SPEN: variants seen among roughly 807,000 people sequenced by gnomAD.
SPEN encodes the protein spen family transcriptional repressor.
In SPEN, 18 loss-of-function variants were observed where a neutral mutation model predicts 269.9. That is an observed-to-expected ratio of 0.07 (90% CI 0.05 to 0.10). SPEN has a LOEUF of 0.10. Ranked by LOEUF, SPEN falls within the 10% of genes least tolerant of loss-of-function variation. The pLI is 1.00. For synonymous variants in SPEN, 1,726 were observed against 1,765.7 expected, an observed-to-expected ratio of 0.98 and a Z score of 0.56; for missense variants, 3,822 against 4,631.2, an observed-to-expected ratio of 0.83 and a Z score of 5.07.
At chr1:15,864,107 A>G (rs114280218) in intron 1 of SPEN, among the ~76,000 whole-genome samples, 23 of 152,260 alleles carry the variant, frequency 1.5e-4, no homozygotes, top group African/African-American at 5.5e-4. Flanking sequence ...TGATATACAT[A>G]TATGAGGTAC....
In SPEN at chr1:15,931,035, G is replaced by A. The variant is rs747290184; in HGVS notation, c.4795G>A (p.Glu1599Lys). Reference sequence around the variant, plus strand: ...CACACGGATGCAACAGAAAGAAAAAGAAAAAGACCAGAAACCCAAAGAGGT... The same window carrying A: ...CACACGGATGCAACAGAAAGAAAAAAAAAAAGACCAGAAACCCAAAGAGGT... The part of the protein sequence containing the change: ...ELTRMQQKEK[E>K]KDQKPKEVEK... The change falls in exon 11 of 15, where the codon GAA (glutamate) becomes AAA (lysine). Residue 1599 changes from glutamate to lysine, a missense_variant. Physicochemically the swap from Glu to Lys is moderately conservative, Grantham distance 56. Around this residue, in one of 16 missense-constraint regions of SPEN, gnomAD observed 533 missense variants for 618.8 expected, o/e 0.86. Coordinates refer to ENST00000375759, the MANE Select transcript of SPEN (RefSeq NM_015001.3). The surrounding 1 kb of genome is among the most constrained non-coding windows in gnomAD (Gnocchi z 4.8). 3.1e-6 allele frequency: 5 copies of A among 1,613,318 alleles called. No homozygotes were observed. Among genetic ancestry groups the A allele is most frequent in the Non-Finnish European group, 3.4e-6 (4 of 1,179,856 alleles).
chr1:15,878,478 C>T (rs1438499984), intron 3 of SPEN, among the ~76,000 whole-genome samples: 1 of 152,184 alleles, frequency 6.6e-6, no homozygotes, highest in African/African-American at 2.4e-5. Context: ...CTATGCCCAG[C>T]TTTCAAGCCG....
At chr1:15,862,022 A>T (rs1018686933) in intron 1 of SPEN, among the ~76,000 whole-genome samples, 1 of 152,214 alleles carries the variant, frequency 6.6e-6, no homozygotes, top group Non-Finnish European at 1.5e-5. Flanking sequence ...AGCCTGGGTG[A>T]CAGAGTGAGA....
chr1:15,926,854 G>A (rs1038362986), intron 10 of SPEN, among the ~76,000 whole-genome samples: 3 of 151,984 alleles, frequency 2.0e-5, no homozygotes, highest in African/African-American at 4.8e-5. Flanking sequence ...CACCATGCCC[G>A]CCTAATTTTT....
intron 1 of SPEN, among the ~76,000 whole-genome samples, chr1:15,860,584 G>A (rs1402810786): frequency 6.6e-6 from 1 of 151,230 alleles, no homozygotes; most frequent in Non-Finnish European, 1.5e-5. Context: ...GACCATTACA[G>A]GTGTGTGAGT....
intron 3 of SPEN, among the ~76,000 whole-genome samples, chr1:15,904,975 G>A (rs1420095197): frequency 6.7e-6 from 1 of 148,662 alleles, no homozygotes; most frequent in Non-Finnish European, 1.5e-5. Context: ...TGCGACCTCT[G>A]CCTCTTGGGT....
At chr1:15,898,915 A>G (rs2070869353) in intron 3 of SPEN, among the ~76,000 whole-genome samples, 2 of 152,024 alleles carry the variant, frequency 1.3e-5, no homozygotes, top group Non-Finnish European at 1.5e-5. Flanking sequence ...TGTGTATACC[A>G]TATTTTGTTG....
At chr1:15,923,448 A>G (rs2071137233) in intron 10 of SPEN, among the ~76,000 whole-genome samples, 4 of 152,302 alleles carry the variant, frequency 2.6e-5, no homozygotes, top group African/African-American at 4.8e-5. Flanking sequence ...TGTGTTAGAC[A>G]AAAGGTTTGT....
intron 3 of SPEN, among the ~76,000 whole-genome samples, chr1:15,902,281 A>G (rs899958758): frequency 6.6e-6 from 1 of 152,176 alleles, no homozygotes; most frequent in Non-Finnish European, 1.5e-5. Flanking sequence ...CTCATAACCA[A>G]TTCTGTATTC....
chr1:15,936,956 C>T (rs2071281158), intron 11 of SPEN, among the ~76,000 whole-genome samples: 1 of 152,056 alleles, frequency 6.6e-6, no homozygotes, highest in Admixed American at 6.5e-5. Context: ...TGCTGGGTAG[C>T]ATCAGCAGGA....
chr1:15,915,989 T>G (rs889724389), intron 5 of SPEN, 139 bp from the exon 6 acceptor site: 4 of 965,658 alleles, frequency 4.1e-6, no homozygotes, highest in Non-Finnish European at 4.4e-6. Context: ...TGAAGGTGTT[T>G]ATGATATTTC....
In SPEN at chr1:15,931,025, GAAAGAA is replaced by G. The variant is rs557267388; in HGVS notation, c.4797_4802del (p.Glu1599_Lys1600del). 55 of 1,613,402 alleles carry G rather than the reference GAAAGAA, an allele frequency of 3.4e-5. No individual in the cohort carries two copies. Among genetic ancestry groups the G allele is most frequent in the African/African-American group, 5.3e-5 (4 of 74,890 alleles). Reference sequence around the variant, plus strand: ...TTATGGAGCTCACACGGATGCAACAGAAAGAAAAAGAAAAAGACCAGAAACCCAAAG... The same window carrying G: ...TTATGGAGCTCACACGGATGCAACAGAAAGAAAAAGACCAGAAACCCAAAG... On this transcript the variant is annotated inframe_deletion, in exon 11 of 15. Transcript: ENST00000375759. The surrounding 1 kb of genome is among the most constrained non-coding windows in gnomAD (Gnocchi z 4.8).
At chr1:15,903,155 T>A (rs1173104723) in intron 3 of SPEN, among the ~76,000 whole-genome samples, 8 of 152,316 alleles carry the variant, frequency 5.3e-5, no homozygotes, top group Admixed American at 2.6e-4. Context: ...GTTCTGTTTG[T>A]AAAATGGCTG....
intron 11 of SPEN, among the ~76,000 whole-genome samples, chr1:15,936,753 A>G (rs2071279276): frequency 6.6e-6 from 1 of 152,190 alleles, no homozygotes; most frequent in Non-Finnish European, 1.5e-5. Context: ...CTTGGCCAAC[A>G]TGGTGAAACT....
intron 3 of SPEN, among the ~76,000 whole-genome samples, chr1:15,894,539 T>G (rs992759036): frequency 6.3e-5 from 9 of 142,164 alleles, no homozygotes; most frequent in South Asian, 2.3e-4. Flanking sequence ...TATGGTTGTT[T>G]TTTTTTTTTT....
At chr1:15,866,871 A>G (rs1019466563) in intron 1 of SPEN, among the ~76,000 whole-genome samples, 8 of 152,212 alleles carry the variant, frequency 5.3e-5, no homozygotes, top group African/African-American at 1.9e-4. Flanking sequence ...TGTGGCATAC[A>G]GTTGATTTAT....
At chr1:15,867,028 T>C (rs977052160) in intron 1 of SPEN, among the ~76,000 whole-genome samples, 2 of 152,200 alleles carry the variant, frequency 1.3e-5, no homozygotes, top group African/African-American at 4.8e-5. Flanking sequence ...ATTTAAAGTA[T>C]ACAATTCAGC....
At chr1:15,925,076 A>C (rs4661345) in intron 10 of SPEN, among the ~76,000 whole-genome samples, 2 of 152,032 alleles carry the variant, frequency 1.3e-5, no homozygotes, top group Admixed American at 6.6e-5. Context: ...TGACAACTCT[A>C]TTTGCACAGG....
chr1:15,874,309 G>T (rs981627177), intron 2 of SPEN: 4 of 1,366,432 alleles, frequency 2.9e-6, no homozygotes, highest in Non-Finnish European at 3.9e-6. Context: ...ACCCCCATAA[G>T]AGGGGCCAAA....
Sources: allele counts gnomAD v4.1 joint callset (sites outside exome capture counted in the v4.1 genomes callset), GRCh38; gene constraint gnomAD v4.1.1; regional missense constraint gnomAD v4.1.1; non-coding constraint Gnocchi (gnomAD v3.1); transcripts MANE v1.5; gene names NCBI Gene and HGNC (gene_info 2026-07-23, HGNC 2026-07-21).